TMEM17: variants seen among roughly 807,000 people sequenced by gnomAD.
TMEM17 encodes transmembrane protein 17.
Under a neutral mutation model 19.1 loss-of-function variants are expected in TMEM17, and 15 were observed. That is an observed-to-expected ratio of 0.78 (90% CI 0.52 to 1.21). The LOEUF is 1.21. Ranked by LOEUF, TMEM17 falls within the 50% of genes most tolerant of loss-of-function variation. The probability of loss-of-function intolerance (pLI) is 0.00; values close to 1 mark genes in which losing one functional copy is unlikely to be tolerated. For missense variants in TMEM17, 245 were observed against 242.3 expected, an observed-to-expected ratio of 1.01 and a Z score of -0.07; for synonymous variants, 103 against 86.9, an observed-to-expected ratio of 1.19 and a Z score of -1.03.
At chr2:62,471,681 A>C in the TMEM17 span, among the ~76,000 whole-genome samples, 1 of 152,182 alleles carries the variant, frequency 6.6e-6, no homozygotes, top group Admixed American at 6.5e-5. Flanking sequence ...GCTTGGTCTG[A>C]ATCTTGAAAG....
chr2:62,474,184 A>G, the TMEM17 span, among the ~76,000 whole-genome samples: 4 of 152,226 alleles, frequency 2.6e-5, no homozygotes, highest in Admixed American at 2.0e-4. Flanking sequence ...ACTGAAGCAA[A>G]AAAGGAGAGA....
chr2:62,481,013 T>A, the TMEM17 span, among the ~76,000 whole-genome samples: 1 of 152,180 alleles, frequency 6.6e-6, no homozygotes, highest in Non-Finnish European at 1.5e-5. Flanking sequence ...AGTAGTATGG[T>A]CATTTTAACA....
downstream of TMEM17, among the ~76,000 whole-genome samples, chr2:62,497,320 C>G (rs1472193441): frequency 6.6e-6 from 1 of 152,162 alleles, no homozygotes; most frequent in Non-Finnish European, 1.5e-5. Flanking sequence ...TTAAACGGTT[C>G]AGGGATTCAG....
the TMEM17 span, among the ~76,000 whole-genome samples, chr2:62,461,290 C>T: frequency 4.6e-5 from 7 of 152,200 alleles, no homozygotes; most frequent in Middle Eastern, 3.2e-3. Context: ...GGCCAAGGAA[C>T]GGGGGTTGGA....
chr2:62,493,026 C>T, the TMEM17 span, among the ~76,000 whole-genome samples: 21 of 151,676 alleles, frequency 1.4e-4, no homozygotes, highest in Middle Eastern at 3.4e-3. Context: ...GAGAGTCCTT[C>T]GTTTGTTTGT....
chr2:62,478,984 T>C, the TMEM17 span, among the ~76,000 whole-genome samples: 1 of 152,208 alleles, frequency 6.6e-6, no homozygotes, highest in Non-Finnish European at 1.5e-5. Context: ...CTGGGGTACA[T>C]AGTGATGTTT....
At chr2:62,505,765 A>T (rs980586303) in intron 1 of TMEM17, among the ~76,000 whole-genome samples, 2 of 152,062 alleles carry the variant, frequency 1.3e-5, no homozygotes, top group African/African-American at 4.8e-5. Flanking sequence ...CGCGGCACAG[A>T]GATCGGCCCC....
chr2:62,457,721 C>A, the TMEM17 span, among the ~76,000 whole-genome samples: 1 of 152,148 alleles, frequency 6.6e-6, no homozygotes, highest in African/African-American at 2.4e-5. This position sits in a 1 kb window ranked among gnomAD's most constrained non-coding sequence, Gnocchi z 4.2. Context: ...GCTTTTGCTG[C>A]TAGGCTCTAA....
the TMEM17 span, among the ~76,000 whole-genome samples, chr2:62,458,353 G>C: frequency 1.3e-5 from 2 of 152,190 alleles, no homozygotes; most frequent in African/African-American, 4.8e-5. Flanking sequence ...CACAGGACCA[G>C]ACCCTTCTGC....
At chr2:62,482,733 T>C in the TMEM17 span, among the ~76,000 whole-genome samples, 1 of 152,184 alleles carries the variant, frequency 6.6e-6, no homozygotes, top group Non-Finnish European at 1.5e-5. Context: ...ATTCTCAACA[T>C]GTCGAGCACG....
chr2:62,497,743 C>G (rs778141418), downstream of TMEM17, among the ~76,000 whole-genome samples: 2 of 152,198 alleles, frequency 1.3e-5, no homozygotes, highest in South Asian at 2.1e-4. Context: ...TGCCTACCCC[C>G]CTCAGACAAT....
At chr2:62,472,360 C>A in the TMEM17 span, among the ~76,000 whole-genome samples, 2 of 152,196 alleles carry the variant, frequency 1.3e-5, no homozygotes, top group Admixed American at 1.3e-4. Flanking sequence ...AGAAGCCCTT[C>A]ATGGTCCATG....
At chr2:62,496,270 A>G (rs1679775803), downstream of TMEM17, among the ~76,000 whole-genome samples, 1 of 152,242 alleles carries the variant, frequency 6.6e-6, no homozygotes, top group Non-Finnish European at 1.5e-5. Context: ...AAAAATGTCC[A>G]TACTCTAGGA....
chr2:62,468,848 T>C, the TMEM17 span, among the ~76,000 whole-genome samples: 13 of 152,206 alleles, frequency 8.5e-5, no homozygotes, highest in African/African-American at 3.1e-4. Flanking sequence ...GCTAGAGGCA[T>C]GGTAGCTAGA....
At chr2:62,488,102 A>G in the TMEM17 span, among the ~76,000 whole-genome samples, 7,415 of 152,162 alleles carry the variant, frequency 0.049, 408 homozygotes, top group African/African-American at 0.14. Flanking sequence ...AAGAGGAGGG[A>G]TGTGGGGAAA....
intron 1 of TMEM17, among the ~76,000 whole-genome samples, chr2:62,504,730 T>C (rs1573438369): frequency 1.3e-5 from 2 of 152,372 alleles, no homozygotes; most frequent in Admixed American, 6.5e-5. Flanking sequence ...GCTGCCTGTT[T>C]TTGTACAGTC....
the TMEM17 span, among the ~76,000 whole-genome samples, chr2:62,482,713 G>A: frequency 6.6e-6 from 1 of 152,140 alleles, no homozygotes; most frequent in South Asian, 2.1e-4. Flanking sequence ...TGGGGCTTCT[G>A]GTGGTCACCA....
chr2:62,473,014 A>G, the TMEM17 span, among the ~76,000 whole-genome samples: 4 of 152,338 alleles, frequency 2.6e-5, no homozygotes, highest in East Asian at 1.9e-4. Flanking sequence ...AACTGCCTCT[A>G]GCAATAAGAA....
the TMEM17 span, among the ~76,000 whole-genome samples, chr2:62,489,623 G>A: frequency 2.6e-5 from 4 of 152,140 alleles, no homozygotes. Context: ...ATAAAGGCAA[G>A]AGCTTACTGG....
Sources: allele counts gnomAD v4.1 joint callset (sites outside exome capture counted in the v4.1 genomes callset), GRCh38; gene constraint gnomAD v4.1.1; non-coding constraint Gnocchi (gnomAD v3.1); transcripts MANE v1.5; gene names NCBI Gene and HGNC (gene_info 2026-07-23, HGNC 2026-07-21).